Variants in ATF7IP2 observed in about 807,000 individuals in gnomAD.
ATF7IP2 encodes activating transcription factor 7-interacting protein 2.
A neutral mutation model predicts 64.2 loss-of-function variants in ATF7IP2; 42 were observed. The observed-to-expected ratio is 0.65, with a 90% CI of 0.51 to 0.85. The LOEUF (loss-of-function observed/expected upper bound fraction) is 0.85. Among genes scored for constraint, ATF7IP2 ranks in the 40% least tolerant of loss-of-function variants. The probability of loss-of-function intolerance (pLI) is 0.00; values close to 1 mark genes in which losing one functional copy is unlikely to be tolerated. For missense variants in ATF7IP2, 933 were observed against 784.2 expected (o/e 1.19, Z -2.27); for synonymous variants, 308 against 272.8 (o/e 1.13, Z -1.27).
chr16:10,417,761 C>CGT (rs1349799983), intron 2 of ATF7IP2, among the ~76,000 whole-genome samples: 1 of 152,154 alleles, frequency 6.6e-6, no homozygotes, highest in Admixed American at 6.5e-5. Context: ...CTTAACACAT[C>CGT]CTGAATTCCA....
chr16:10,453,926 C>G (rs1325140293), intron 8 of ATF7IP2: 1 of 152,248 alleles, frequency 6.6e-6, no homozygotes, highest in Non-Finnish European at 1.5e-5. Flanking sequence ...CAGGCATGAG[C>G]CACTACGCCT....
intron 12 of ATF7IP2, among the ~76,000 whole-genome samples, chr16:10,475,243 T>G (rs974917494): frequency 6.6e-6 from 1 of 152,236 alleles, no homozygotes; most frequent in Non-Finnish European, 1.5e-5. Flanking sequence ...GGAAGTATGC[T>G]GTTACAAGGC....
At chr16:10,433,678 T>C in intron 6 of ATF7IP2, 29 bp downstream of exon 6, 1 of 1,607,710 alleles carries the variant, frequency 6.2e-7, no homozygotes. Flanking sequence ...AATGGAACTT[T>C]TACTTTTGAT....
chr16:10,421,385 G>T (rs906078964), intron 3 of ATF7IP2, among the ~76,000 whole-genome samples: 3 of 152,150 alleles, frequency 2.0e-5, no homozygotes, highest in Admixed American at 6.5e-5. Context: ...CACCTCCTTT[G>T]TTAATTGCTG....
intron 7 of ATF7IP2, among the ~76,000 whole-genome samples, chr16:10,439,533 CTT>C (rs760337763): frequency 1.5e-3 from 153 of 102,930 alleles, no homozygotes; most frequent in African/African-American, 4.9e-3. Context: ...CGCCCCCAGC[CTT>C]TTTTTTTTTT....
intron 1 of ATF7IP2, among the ~76,000 whole-genome samples, chr16:10,407,260 T>TTAGTATCA (rs1356810373): frequency 6.6e-6 from 1 of 152,174 alleles, no homozygotes; most frequent in Non-Finnish European, 1.5e-5. Flanking sequence ...CAGACCACAG[T>TTAGTATCA]TAGTATCATC....
intron 3 of ATF7IP2, among the ~76,000 whole-genome samples, chr16:10,428,497 T>C (rs2048139884): frequency 2.0e-5 from 3 of 152,322 alleles, no homozygotes; most frequent in East Asian, 3.9e-4. Context: ...ATTTCTTCTT[T>C]GTGTCAGCTG....
rs139982320 is a variant in ATF7IP2, at chr16:10,467,994, C to T, written c.1353-4116C>T. Among the ~76,000 whole-genome samples the T allele has an allele frequency of 6.0e-4, 91 of 151,686 alleles. 1 individual carries two copies. The East Asian group carries it at 0.017, about 28-fold the overall frequency. ...TTCCGAGTTTAAGCGTTTCTCCTGCCTCAGCCTCCCGAGTAGCTGGGATTA... is the reference window on the plus strand; with the variant it reads ...TTCCGAGTTTAAGCGTTTCTCCTGCTTCAGCCTCCCGAGTAGCTGGGATTA... On this transcript the variant is annotated intron_variant, in intron 9 of 13. Transcript: ENST00000562102.
intron 1 of ATF7IP2, among the ~76,000 whole-genome samples, chr16:10,410,416 G>T (rs529257000): frequency 4.5e-4 from 69 of 152,120 alleles, no homozygotes; most frequent in Admixed American, 3.5e-3. Flanking sequence ...TTGAGTTCTG[G>T]ACGTTTCTCA....
At chr16:10,405,301 C>T (rs963353016) in intron 1 of ATF7IP2, among the ~76,000 whole-genome samples, 4 of 151,078 alleles carry the variant, frequency 2.6e-5, no homozygotes, top group South Asian at 2.1e-4. Flanking sequence ...ACCCAGGAGG[C>T]GGAGGTTGCA....
intron 1 of ATF7IP2, among the ~76,000 whole-genome samples, chr16:10,396,571 G>A (rs920495347): frequency 1.3e-5 from 2 of 151,984 alleles, no homozygotes; most frequent in Admixed American, 6.6e-5. Flanking sequence ...GGCCCAGGCT[G>A]GAGTGCAGTG....
At chr16:10,397,710 C>G (rs915585863) in intron 1 of ATF7IP2, among the ~76,000 whole-genome samples, 1 of 151,808 alleles carries the variant, frequency 6.6e-6, no homozygotes, top group African/African-American at 2.4e-5. Flanking sequence ...AACCCTGTCT[C>G]TGCAGGAAAT....
intron 10 of ATF7IP2, among the ~76,000 whole-genome samples, chr16:10,472,875 T>A (rs981630615): frequency 1.4e-4 from 20 of 142,478 alleles, no homozygotes; most frequent in South Asian, 4.5e-4. Context: ...AAAAAAAAAA[T>A]TTTAACCTTA....
In ATF7IP2 at chr16:10,482,141, A is replaced by G. The variant is rs767706206; in HGVS notation, c.1941A>G (p.Leu647=). The change falls in exon 14 of 14, where the codon TTA becomes TTG. Residue 647 remains leucine (L), a synonymous_variant. Coordinates refer to ENST00000562102, the MANE Select transcript of ATF7IP2 (RefSeq NM_001393719.1). ...LPMACTLSQF[L]ASNRYYFTVQ... ...TGGCCTGTACTTTATCTCAGTTTTT[A>G]GCTTCCAACAGATACTATTTTACTG... The G allele has an allele frequency of 1.2e-6, 2 of 1,613,784 alleles. No individual in the cohort carries two copies. The highest frequency in any genetic ancestry group is 4.5e-5 in the East Asian group (2 of 44,878).
chr16:10,389,451 G>T (rs925168011), intron 1 of ATF7IP2, among the ~76,000 whole-genome samples: 2 of 152,046 alleles, frequency 1.3e-5, no homozygotes, highest in Admixed American at 1.3e-4. Context: ...TTACAAGAAC[G>T]TCTTTATAAT....
chr16:10,433,787 C>T (rs1012772960), intron 6 of ATF7IP2, 138 bp downstream of exon 6: 3 of 879,516 alleles, frequency 3.4e-6, no homozygotes, highest in African/African-American at 3.4e-5. Context: ...GCCAAATTAT[C>T]AGACAGACTG....
chr16:10,469,573 A>T (rs1161212304), intron 9 of ATF7IP2, among the ~76,000 whole-genome samples: 1 of 152,076 alleles, frequency 6.6e-6, no homozygotes, highest in Non-Finnish European at 1.5e-5. Context: ...ATAGAAAGGA[A>T]CAGAAAGTCT....
chr16:10,464,083 C>T (rs1486988101), intron 9 of ATF7IP2, among the ~76,000 whole-genome samples: 2 of 151,846 alleles, frequency 1.3e-5, no homozygotes, highest in African/African-American at 2.4e-5. Flanking sequence ...GGATCTTGGT[C>T]TCTCTAGTTA....
chr16:10,453,396 G>A (rs551417011), intron 8 of ATF7IP2, among the ~76,000 whole-genome samples: 13 of 152,204 alleles, frequency 8.5e-5, no homozygotes, highest in African/African-American at 2.9e-4. Flanking sequence ...GCTTTAGCTC[G>A]CTGTCTGTGG....
Sources: gnomAD v4.1 joint callset for allele counts (sites outside exome capture counted in the v4.1 genomes callset) on GRCh38, gnomAD v4.1.1 for gene constraint, MANE v1.5 for transcripts, NCBI Gene and HGNC (gene_info 2026-07-23, HGNC 2026-07-21) for gene names.